UBE4B: variants seen among roughly 807,000 people sequenced by gnomAD.
UBE4B encodes the protein ubiquitination factor E4B, also known as ubiquitin conjugation factor E4 B.
A neutral mutation model predicts 148.1 loss-of-function variants in UBE4B; 27 were observed. The observed-to-expected ratio is 0.18, with a 90% CI of 0.13 to 0.25. The LOEUF (loss-of-function observed/expected upper bound fraction) is 0.25, where lower values mean the gene tolerates loss of function less well. UBE4B is among the 10% of genes least tolerant of loss of function. The probability of loss-of-function intolerance (pLI) is 1.00; values close to 1 mark genes in which losing one functional copy is unlikely to be tolerated. For synonymous variants in UBE4B, 596 were observed against 619.3 expected, an observed-to-expected ratio of 0.96 and a Z score of 0.56; for missense variants, 1,170 against 1,662.4, an observed-to-expected ratio of 0.70 and a Z score of 5.15.
At chr1:10,041,522 A>G (rs1643763108) in intron 1 of UBE4B, among the ~76,000 whole-genome samples, 1 of 151,220 alleles carries the variant, frequency 6.6e-6, no homozygotes, top group South Asian at 2.1e-4. Flanking sequence ...TTTAGTAGAG[A>G]TGGGGTTTCT....
At chr1:10,070,040 C>T (rs760064576) in intron 1 of UBE4B, among the ~76,000 whole-genome samples, 22 of 151,770 alleles carry the variant, frequency 1.4e-4, no homozygotes, top group Non-Finnish European at 2.6e-4. Context: ...TTTGGGGGGC[C>T]GAGGTGGAAG....
rs1175645933 is a variant in UBE4B, at chr1:10,114,079, G to GA, written c.1197-3365dup. Among the ~76,000 whole-genome samples the GA allele has an allele frequency of 9.6e-3, 1,076 of 111,828 alleles. 6 individuals are homozygous for GA. Among genetic ancestry groups the GA allele is most frequent in the Middle Eastern group, 0.019 (4 of 212 alleles). 73.4% of individuals were successfully genotyped at this position (111,828 alleles called of 152,430 possible). Reference sequence around the variant, plus strand: ...GACTCCGTCTCAAAAAAAAAAAAAAGAAAAAAAAAAAAAAAGATGCGTTTC... The same window carrying GA: ...GACTCCGTCTCAAAAAAAAAAAAAAGAAAAAAAAAAAAAAAAGATGCGTTTC... On this transcript the variant is annotated intron_variant, in intron 7 of 27. Transcript: ENST00000343090.
chr1:10,146,801 G>T (rs1645880334), intron 18 of UBE4B, among the ~76,000 whole-genome samples, 162 bp from the exon 19 acceptor site: 1 of 152,086 alleles, frequency 6.6e-6, no homozygotes, highest in South Asian at 2.1e-4. Context: ...TCAGGAAAAA[G>T]GTCTTGAGAC....
rs75297997 is a variant in UBE4B, at chr1:10,059,829, A to C, written c.25-12199A>C. Among the ~76,000 whole-genome samples the C allele has an allele frequency of 7.2e-3, 1,096 of 151,904 alleles. 98 individuals carry two copies. In the East Asian group the frequency reaches 0.17, roughly 23 times the overall value. On this transcript the variant is annotated intron_variant, in intron 1 of 27. Transcript: ENST00000343090. ...AGGCATTTTTTTTTCCACTCCTTTC[A>C]CACAATCAGAATGGCACCTCTGGGG...
chr1:10,134,942 A>G, intron 15 of UBE4B, 46 bp from the exon 16 acceptor site: 1 of 1,573,824 alleles, frequency 6.4e-7, no homozygotes. Context: ...CTCAAAAAAA[A>G]TTTTTTTTAA....
rs745346204 is a variant in UBE4B, at chr1:10,103,049, T to C, written c.537T>C (p.Phe179=). 1.2e-6 allele frequency: 2 copies of C among 1,612,904 alleles called. No homozygotes were observed. Among genetic ancestry groups the C allele is most frequent in the East Asian group, 4.5e-5 (2 of 44,878 alleles). ...SWKDRDRDVI[F]LSSLSAQFKQ... ...AGGACCGGGACAGAGATGTCATCTT[T>C]CTTTCTTCTCTTTCTGCACAGTTTA... is the stretch of plus-strand genomic sequence containing the variant. Residue 179 remains phenylalanine, a synonymous_variant, in exon 5 of 28, where the codon TTT becomes TTC. Transcript: ENST00000343090.
intron 7 of UBE4B, among the ~76,000 whole-genome samples, chr1:10,108,397 T>C (rs545632814): frequency 6.6e-6 from 1 of 152,164 alleles, no homozygotes; most frequent in African/African-American, 2.4e-5. Context: ...GGCTGAAACA[T>C]AGTTCCGGAT....
intron 18 of UBE4B, 166 bp downstream of exon 18, chr1:10,145,205 A>G (rs1570974140): frequency 1.9e-6 from 1 of 517,250 alleles, no homozygotes; most frequent in South Asian, 3.0e-5. Flanking sequence ...CCTTACTTAT[A>G]TGTGTATATA....
At chr1:10,090,582 A>G (rs1644831483) in intron 2 of UBE4B, among the ~76,000 whole-genome samples, 1 of 152,080 alleles carries the variant, frequency 6.6e-6, no homozygotes, top group East Asian at 1.9e-4. Flanking sequence ...AGATTTATTG[A>G]GGCGTTTTGG....
At chr1:10,134,058 AAAAG>A (rs767518365) in intron 15 of UBE4B, among the ~76,000 whole-genome samples, 34 of 151,926 alleles carry the variant, frequency 2.2e-4, no homozygotes, top group Middle Eastern at 3.2e-3. Flanking sequence ...TCAAAAAAAA[AAAAG>A]AAAGAAAGAA....
At chr1:10,142,637 C>T (rs1324687467) in intron 17 of UBE4B, among the ~76,000 whole-genome samples, 1 of 152,088 alleles carries the variant, frequency 6.6e-6, no homozygotes, top group Non-Finnish European at 1.5e-5. Flanking sequence ...CGCCACTGCA[C>T]TCCAGCCTGG....
At chr1:10,126,227 GAGGCAC>G (rs1216951565) in intron 10 of UBE4B, among the ~76,000 whole-genome samples, 2 of 152,166 alleles carry the variant, frequency 1.3e-5, no homozygotes, top group Non-Finnish European at 2.9e-5. Flanking sequence ...TTGAACCCCA[GAGGCAC>G]AGGTTGCAGT....
intron 1 of UBE4B, among the ~76,000 whole-genome samples, chr1:10,042,158 C>T (rs778632822): frequency 6.6e-6 from 1 of 152,144 alleles, no homozygotes; most frequent in Non-Finnish European, 1.5e-5. Context: ...TCAAGTAGCC[C>T]CAAGCTCTTG....
chr1:10,102,109 C>T (rs1442093890), intron 4 of UBE4B, among the ~76,000 whole-genome samples: 2 of 151,366 alleles, frequency 1.3e-5, no homozygotes, highest in Non-Finnish European at 2.9e-5. Flanking sequence ...AAAATAAAGA[C>T]AAACAAAGGA....
intron 26 of UBE4B, 75 bp from the exon 27 acceptor site, chr1:10,179,341 G>A (rs1646472688): frequency 6.4e-7 from 1 of 1,565,292 alleles, no homozygotes. Context: ...TTTTTCGCTG[G>A]TAGAACGGGC....
chr1:10,104,023 G>A (rs1025152262), intron 5 of UBE4B, among the ~76,000 whole-genome samples: 1 of 152,076 alleles, frequency 6.6e-6, no homozygotes, highest in Admixed American at 6.6e-5. Context: ...GCCTCCCAAA[G>A]TGCTGGGATT....
intron 1 of UBE4B, among the ~76,000 whole-genome samples, chr1:10,055,403 C>T (rs1644146433): frequency 6.6e-6 from 1 of 152,032 alleles, no homozygotes; most frequent in Admixed American, 6.6e-5. Flanking sequence ...TAGCCTTGAA[C>T]TCCTGGGCTC....
In UBE4B at chr1:10,175,338, A is replaced by T. The variant is rs534129152; in HGVS notation, c.3526-3306A>T. 2.6e-5 allele frequency among the ~76,000 whole-genome samples: 4 copies of T among 152,276 alleles called. No homozygotes were observed. The East Asian group carries it at 5.8e-4, about 22-fold the overall frequency. Reference sequence around the variant, plus strand: ...CATTTTCCATTAAAAAAGAAAAAAAATTCAGCACCTACTTAGAAAATAAAA... The same window carrying T: ...CATTTTCCATTAAAAAAGAAAAAAATTTCAGCACCTACTTAGAAAATAAAA... On this transcript the variant is annotated intron_variant, in intron 25 of 27. Coordinates refer to ENST00000343090, the MANE Select transcript of UBE4B (RefSeq NM_001105562.3).
chr1:10,114,719 C>G (rs773926485), intron 7 of UBE4B, among the ~76,000 whole-genome samples: 1 of 152,070 alleles, frequency 6.6e-6, no homozygotes, highest in African/African-American at 2.4e-5. Context: ...CAAAAATTAG[C>G]TGTACATGGT....
Sources: allele counts gnomAD v4.1 joint callset (sites outside exome capture counted in the v4.1 genomes callset), GRCh38; gene constraint gnomAD v4.1.1; transcripts MANE v1.5; gene names NCBI Gene and HGNC (gene_info 2026-07-23, HGNC 2026-07-21).